The following RC3H1 variants were observed in gnomAD, a reference collection of about 807,000 sequenced individuals.
RC3H1 encodes the protein roquin-1.
In RC3H1, 50 loss-of-function variants were observed where a neutral mutation model predicts 138.2. The observed-to-expected ratio is 0.36, with a 90% confidence interval of 0.29 to 0.46. The LOEUF is 0.46. Ranked by LOEUF, RC3H1 falls within the 20% of genes least tolerant of loss-of-function variation. The pLI, the probability that RC3H1 is intolerant of heterozygous loss-of-function variation, is 1.00. For missense variants in RC3H1, 1,031 were observed against 1,388.1 expected, an observed-to-expected ratio of 0.74 and a Z score of 4.09; for synonymous variants, 462 against 489.1, an observed-to-expected ratio of 0.94 and a Z score of 0.73.
At chr1:173,996,666 G>C (rs778432827) in intron 1 of RC3H1, among the ~76,000 whole-genome samples, 1 of 152,126 alleles carries the variant, frequency 6.6e-6, no homozygotes, top group Non-Finnish European at 1.5e-5. Flanking sequence ...ACCATAGCAT[G>C]TGACCTACGT....
intron 15 of RC3H1, 64 bp downstream of exon 15, chr1:173,947,305 C>A (rs1415500489): frequency 2.8e-6 from 3 of 1,077,538 alleles, no homozygotes; most frequent in Non-Finnish European, 2.9e-6. Flanking sequence ...AAATGGAGAG[C>A]AGGGGTAATG....
At position 173,946,478 on chromosome 1, in the gene RC3H1, C is replaced by G. The variant is rs1208658678; in HGVS notation, c.2959G>C (p.Glu987Gln). ...AAAATGGCTCTCTAGGCTGGTACCT[C>G]TAGTCCACGTAGCTGGGTCTGCTGG... ...ISQQTQLRGL[E>Q]AVSNRLVLQR... is the part of the protein sequence containing the mutation. The change falls in exon 17 of 20, where the codon GAG becomes CAG. Residue 987 changes from glutamate to glutamine, a missense_variant and splice_region_variant. Glu to Gln is a conservative substitution (Grantham distance 29). Transcript: ENST00000367696. 1 of 1,613,512 alleles carries G rather than the reference C, an allele frequency of 6.2e-7. No homozygotes were observed. Among genetic ancestry groups the G allele is most frequent in the African/African-American group, 1.3e-5 (1 of 74,900 alleles).
At chr1:173,997,198 C>T (rs1465524403) in intron 1 of RC3H1, among the ~76,000 whole-genome samples, 2 of 152,062 alleles carry the variant, frequency 1.3e-5, no homozygotes, top group Admixed American at 1.3e-4. Context: ...GCACTCCAGC[C>T]TGGGCAACGG....
rs781121800 is a variant in RC3H1, at chr1:173,992,857, A to T, written c.129T>A (p.Asn43Lys). The T allele has an allele frequency of 4.3e-6, 7 of 1,614,164 alleles. No individual in the cohort carries two copies. In the South Asian group the frequency reaches 4.4e-5, roughly 10 times the overall value. The change falls in exon 2 of 20, where the codon AAT (asparagine) becomes AAA (lysine). Residue 43 changes from asparagine (N) to lysine (K), a missense_variant. Physicochemically the swap from Asn to Lys is moderately conservative, Grantham distance 94 (BLOSUM62 0). Around this residue, in one of 7 missense-constraint regions of RC3H1, gnomAD observed 35 missense variants for 69.4 expected, o/e 0.50. Transcript: ENST00000367696. ...CGHTVCKMCL[N>K]KLHRKACPFD... Reference sequence around the variant, plus strand: ...ATGGGCAAGCCTTGCGGTGGAGTTTATTCAGGCACATCTTGCAGACAGTAT... The same window carrying T: ...ATGGGCAAGCCTTGCGGTGGAGTTTTTTCAGGCACATCTTGCAGACAGTAT...
rs1233300547 is a variant in RC3H1 at position 173,934,465 on chromosome 1, T to C, written c.*4256A>G. The C allele has an allele frequency of 1.3e-5, 2 of 152,220 alleles. No individual in the cohort carries two copies. The highest frequency in any genetic ancestry group is 2.9e-5 in the Non-Finnish European group (2 of 68,030). The allele number at this position is 152,220 out of a possible 1,614,324, so 9.4% of individuals were successfully genotyped here. A position where few individuals can be genotyped will look rare whatever the true frequency, so the allele number is the denominator to read the frequency against. On this transcript the variant is annotated 3_prime_UTR_variant, in exon 20 of 20. Transcript: ENST00000367696. Reference sequence around the variant, plus strand: ...GCTAGCTAACTTTAACAGTTAACTTTAGATAAATCTACTTACACAGTACAA... The same window carrying C: ...GCTAGCTAACTTTAACAGTTAACTTCAGATAAATCTACTTACACAGTACAA...
chr1:173,961,880 T>C lies in RC3H1; in HGVS notation c.2047A>G (p.Arg683Gly). ...GGGCTTTCTCGGAATATCTCTTCTCTTGTGTAAGACGGAGCAGGGTACACT... is the reference window on the plus strand; with the variant it reads ...GGGCTTTCTCGGAATATCTCTTCTCCTGTGTAAGACGGAGCAGGGTACACT... Reference protein sequence around the residue: ...RRVYPAPSYTREEIFRESPIP... With the variant: ...RRVYPAPSYTGEEIFRESPIP... The change falls in exon 12 of 20, where the codon AGA becomes GGA. Residue 683 changes from arginine (R) to glycine (G), a missense_variant. By Grantham distance (125) the Arg-to-Gly change is moderately radical (BLOSUM62 -2). This residue lies in a region of RC3H1 where 716 missense variants were observed against 837.9 expected (regional missense o/e 0.85). Coordinates refer to ENST00000367696, the MANE Select transcript of RC3H1 (RefSeq NM_172071.4). 6.2e-7 allele frequency: 1 copy of C among 1,614,186 alleles called. No homozygotes were observed. The highest frequency in any genetic ancestry group is 8.5e-7 in the Non-Finnish European group (1 of 1,180,040).
At chr1:173,959,730 C>T (rs571045487) in intron 13 of RC3H1, among the ~76,000 whole-genome samples, 27 of 151,940 alleles carry the variant, frequency 1.8e-4, no homozygotes, top group African/African-American at 6.3e-4. Flanking sequence ...GAGATCGCAC[C>T]ACTGCACTCC....
chr1:173,964,185 A>T lies in RC3H1; in HGVS notation c.1619T>A (p.Leu540Gln), dbSNP rs1659999820. 6 of 1,603,568 alleles carry T rather than the reference A, an allele frequency of 3.7e-6. No homozygotes were observed. Among genetic ancestry groups the T allele is most frequent in the African/African-American group, 1.3e-5 (1 of 74,746 alleles). The change falls in exon 11 of 20, where the codon CTA becomes CAA. Residue 540 changes from leucine (L) to glutamine (Q), a missense_variant and splice_region_variant. Leu to Gln is a moderately radical substitution (Grantham distance 113). Coordinates refer to ENST00000367696, the MANE Select transcript of RC3H1 (RefSeq NM_172071.4). ...SSAPGSPPDL[L>Q]ESVPKSISAL... ...AGAAATACTCTTAGGAACAGATTCT[A>T]GCCTAAGGGAATAATATTATGGAAG...
At chr1:173,983,714 A>T (rs962856497) in intron 3 of RC3H1, 57 bp from the exon 4 acceptor site, 2 of 1,581,380 alleles carry the variant, frequency 1.3e-6, no homozygotes, top group African/African-American at 2.7e-5. Context: ...ACAGTCCAGG[A>T]GCAATTCTTC....
intron 1 of RC3H1, among the ~76,000 whole-genome samples, chr1:174,021,873 G>A (rs1434161466): frequency 4.6e-5 from 7 of 152,182 alleles, no homozygotes; most frequent in African/African-American, 1.2e-4. Context: ...CCCTACAGGC[G>A]GCATGCAGAG....
chr1:173,960,282 T>A (rs1179930419), intron 13 of RC3H1, among the ~76,000 whole-genome samples: 1 of 151,834 alleles, frequency 6.6e-6, no homozygotes, highest in Non-Finnish European at 1.5e-5. Flanking sequence ...AGAGTGAGAC[T>A]CTGTCTCAAA....
chr1:173,948,162 A>C (rs1269657918), intron 14 of RC3H1, among the ~76,000 whole-genome samples: 1 of 152,222 alleles, frequency 6.6e-6, no homozygotes, highest in Non-Finnish European at 1.5e-5. Flanking sequence ...CCACAAAATC[A>C]AACTGAACTT....
intron 14 of RC3H1, among the ~76,000 whole-genome samples, chr1:173,948,585 C>T (rs1571173333): frequency 6.6e-6 from 1 of 152,000 alleles, no homozygotes; most frequent in Non-Finnish European, 1.5e-5. Context: ...TTTCAATTAC[C>T]TCTAGATTGG....
chr1:174,011,699 C>T (rs1661773214), intron 1 of RC3H1, among the ~76,000 whole-genome samples: 1 of 152,056 alleles, frequency 6.6e-6, no homozygotes, highest in Non-Finnish European at 1.5e-5. Flanking sequence ...TGAGGACCTC[C>T]ATTTTTCAAG....
At chr1:173,983,179 AAT>A (rs1660891407) in intron 4 of RC3H1, 1 of 537,898 alleles carries the variant, frequency 1.9e-6, no homozygotes, top group Non-Finnish European at 3.1e-6. Flanking sequence ...AAAAAGGAAA[AAT>A]CAAAAAATTA....
chr1:174,016,780 T>G (rs1661870806), intron 1 of RC3H1, among the ~76,000 whole-genome samples: 1 of 152,066 alleles, frequency 6.6e-6, no homozygotes, highest in East Asian at 1.9e-4. Context: ...TAACAATATA[T>G]TTCTAAAGCC....
chr1:173,964,744 G>GA, intron 10 of RC3H1, 95 bp downstream of exon 10: 1 of 941,882 alleles, frequency 1.1e-6, no homozygotes, highest in Non-Finnish European at 1.5e-6. Context: ...AATAATCAGG[G>GA]TTTTTTTTTT....
At chr1:174,010,680 C>CCAT (rs544983319) in intron 1 of RC3H1, among the ~76,000 whole-genome samples, 21 of 152,300 alleles carry the variant, frequency 1.4e-4, no homozygotes, top group Non-Finnish European at 2.4e-4. Context: ...TCCCAGTGAG[C>CCAT]CATCACACCT....
intron 7 of RC3H1, among the ~76,000 whole-genome samples, chr1:173,972,896 G>T (rs1412223133): frequency 2.6e-5 from 4 of 152,206 alleles, no homozygotes; most frequent in Admixed American, 6.5e-5. Context: ...ACTGTCATTA[G>T]ACTCTCAGTG....
Sources: gnomAD v4.1 joint callset for allele counts (sites outside exome capture counted in the v4.1 genomes callset) on GRCh38, gnomAD v4.1.1 for gene constraint, gnomAD v4.1.1 regional missense constraint, MANE v1.5 for transcripts, NCBI Gene and HGNC (gene_info 2026-07-23, HGNC 2026-07-21) for gene names.